LRBA: variants seen among roughly 807,000 people sequenced by gnomAD.
LRBA encodes lipopolysaccharide-responsive and beige-like anchor protein.
A neutral mutation model predicts 330.0 loss-of-function variants in LRBA; 176 were observed. The ratio of observed to expected loss-of-function variants is 0.53; its 90% CI spans 0.47 to 0.60. LRBA has a LOEUF of 0.60. Ranked by LOEUF, LRBA falls within the 20% of genes least tolerant of loss-of-function variation. The pLI is 0.00. For missense variants in LRBA, 3,259 were observed against 3,444.8 expected (o/e 0.95, Z 1.35); for synonymous variants, 1,230 against 1,193.0 (o/e 1.03, Z -0.64).
At chr4:150,885,311 C>G (rs1321825889) in intron 17 of LRBA, among the ~76,000 whole-genome samples, 2 of 151,802 alleles carry the variant, frequency 1.3e-5, no homozygotes, top group Non-Finnish European at 2.9e-5. Flanking sequence ...AATAAACCAC[C>G]GAAGTGAAAG....
Position 150,908,664 on chromosome 4 carries a change from A to T in LRBA, c.1355T>A (p.Leu452His). 6.2e-7 allele frequency: 1 copy of T among 1,612,044 alleles called. No individual in the cohort carries two copies. The highest frequency in any genetic ancestry group is 8.5e-7 in the Non-Finnish European group (1 of 1,178,618). The change falls in exon 10 of 57, where the codon CTC becomes CAC. Residue 452 changes from leucine to histidine, a missense_variant. Transcript: ENST00000651943. Reference sequence around the variant, plus strand: ...TTAAAAGATCACAGTTAGTACCTGGAGCATGAGTGCATGTGGTGAATGAAC... The same window carrying T: ...TTAAAAGATCACAGTTAGTACCTGGTGCATGAGTGCATGTGGTGAATGAAC... ...IFVHSPHALM[L>H]QDVKAVLTHS...
intron 40 of LRBA, among the ~76,000 whole-genome samples, chr4:150,568,003 A>G (rs1769353098): frequency 6.6e-6 from 1 of 152,100 alleles, no homozygotes; most frequent in African/African-American, 2.4e-5. Context: ...TAACTGAAGC[A>G]TCAGTTCAAA....
intron 56 of LRBA, among the ~76,000 whole-genome samples, chr4:150,269,774 C>A (rs1436125925): frequency 1.3e-5 from 2 of 152,056 alleles, no homozygotes; most frequent in Non-Finnish European, 2.9e-5. Context: ...CATAGTGAGA[C>A]CCTGTCTCTA....
chr4:150,571,664 T>TG (rs1366727916), intron 40 of LRBA, among the ~76,000 whole-genome samples: 1 of 147,352 alleles, frequency 6.8e-6, no homozygotes, highest in African/African-American at 2.5e-5. Flanking sequence ...TTTTTTTTTT[T>TG]TTTTTTTTTT....
intron 46 of LRBA, among the ~76,000 whole-genome samples, chr4:150,432,728 T>G (rs1435185731): frequency 6.6e-6 from 1 of 151,964 alleles, no homozygotes; most frequent in Non-Finnish European, 1.5e-5. Flanking sequence ...TGTTCTTATA[T>G]ATTTATCTCT....
At chr4:150,385,897 G>C (rs968047604) in intron 47 of LRBA, among the ~76,000 whole-genome samples, 1 of 152,126 alleles carries the variant, frequency 6.6e-6, no homozygotes, top group Non-Finnish European at 1.5e-5. Flanking sequence ...GTAGCAGCTG[G>C]ATAAAGGGAT....
At chr4:150,721,459 T>C (rs907825446) in intron 36 of LRBA, 1 of 285,886 alleles carries the variant, frequency 3.5e-6, no homozygotes. Context: ...CCAGAAGTTT[T>C]TGTGATCATT....
intron 44 of LRBA, among the ~76,000 whole-genome samples, chr4:150,453,298 A>G (rs2152034065): frequency 6.6e-6 from 1 of 152,308 alleles, no homozygotes; most frequent in South Asian, 2.1e-4. Context: ...ACAGTACTCA[A>G]GACTGTGATA....
chr4:150,722,214 T>A (rs1327712825), intron 36 of LRBA, among the ~76,000 whole-genome samples: 1 of 151,910 alleles, frequency 6.6e-6, no homozygotes, highest in East Asian at 1.9e-4. Context: ...GAAAAAAATA[T>A]ATAAAGTTAA....
intron 37 of LRBA, among the ~76,000 whole-genome samples, chr4:150,623,181 C>T (rs1389723734): frequency 6.6e-6 from 1 of 152,220 alleles, no homozygotes; most frequent in African/African-American, 2.4e-5. Context: ...ACTGACAAAT[C>T]TTTCCTGGCG....
intron 34 of LRBA, among the ~76,000 whole-genome samples, chr4:150,775,452 A>AACAC (rs200525703): frequency 3.2e-3 from 107 of 33,938 alleles, no homozygotes; most frequent in East Asian, 0.01. Flanking sequence ...TCTGCAATGG[A>AACAC]ACACACACAC....
chr4:150,798,676 G>T (rs899461016), intron 33 of LRBA, among the ~76,000 whole-genome samples: 1 of 151,906 alleles, frequency 6.6e-6, no homozygotes, highest in African/African-American at 2.4e-5. Context: ...ATATATTCTT[G>T]ATTTCTTATA....
In LRBA at chr4:150,793,803, A is replaced by G. The variant is rs2126653197; in HGVS notation, c.5580+4278T>C. Among the ~76,000 whole-genome samples the G allele has an allele frequency of 2.6e-5, 4 of 152,338 alleles. No homozygotes were observed. The South Asian group carries it at 8.3e-4, about 32-fold the overall frequency. On this transcript the variant is annotated intron_variant, in intron 34 of 56. Transcript: ENST00000651943. ...AGAGATTGTAATTTATCTAGGAGCT[A>G]GCTAACTGATTCATTTTTTCCATAA...
chr4:150,488,221 A>C (rs1375068253), intron 41 of LRBA, among the ~76,000 whole-genome samples: 1 of 151,712 alleles, frequency 6.6e-6, no homozygotes, highest in African/African-American at 2.4e-5. Context: ...TATTTCTAGG[A>C]GTTTCCAGAA....
At chr4:150,707,673 C>G (rs1785764668) in intron 36 of LRBA, among the ~76,000 whole-genome samples, 1 of 151,534 alleles carries the variant, frequency 6.6e-6, no homozygotes, top group Admixed American at 6.6e-5. Flanking sequence ...TGACACTGAA[C>G]AGTGGAAGGG....
chr4:150,848,125 C>G (rs1750101254), intron 26 of LRBA, among the ~76,000 whole-genome samples: 1 of 152,040 alleles, frequency 6.6e-6, no homozygotes, highest in African/African-American at 2.4e-5. Flanking sequence ...AGCGATTCTG[C>G]TGCCTCAGCC....
At chr4:150,982,181 G>C (rs942831008) in intron 2 of LRBA, among the ~76,000 whole-genome samples, 2 of 152,000 alleles carry the variant, frequency 1.3e-5, no homozygotes, top group Admixed American at 1.3e-4. Context: ...TTAGAGATGA[G>C]AGACAGTAGT....
At chr4:150,300,385 G>A (rs916002712) in intron 53 of LRBA, among the ~76,000 whole-genome samples, 6 of 151,926 alleles carry the variant, frequency 3.9e-5, no homozygotes, top group Non-Finnish European at 8.8e-5. Flanking sequence ...AGCATTACTA[G>A]GAGGTAATGT....
chr4:150,503,724 G>A (rs1163798389), intron 40 of LRBA, among the ~76,000 whole-genome samples: 4 of 152,288 alleles, frequency 2.6e-5, no homozygotes, highest in Non-Finnish European at 4.4e-5. Context: ...CACGAGCAAC[G>A]GAACAAAGCT....
Sources: gnomAD v4.1 joint callset for allele counts (sites outside exome capture counted in the v4.1 genomes callset) on GRCh38, gnomAD v4.1.1 for gene constraint, MANE v1.5 for transcripts, NCBI Gene and HGNC (gene_info 2026-07-23, HGNC 2026-07-21) for gene names.